Variants in HPSE2 observed in about 807,000 individuals in gnomAD.
HPSE2 encodes the protein inactive heparanase-2.
In HPSE2, 38 loss-of-function variants were observed where a neutral mutation model predicts 60.5. That is an observed-to-expected ratio of 0.63 (90% CI 0.48 to 0.82). The LOEUF is 0.82. Ranked by LOEUF, HPSE2 falls within the 40% of genes least tolerant of loss-of-function variation. The pLI, the probability that HPSE2 is intolerant of heterozygous loss-of-function variation, is 0.00. For synonymous variants in HPSE2, 295 were observed against 293.2 expected (o/e 1.01, Z -0.06); for missense variants, 713 against 740.4 (o/e 0.96, Z 0.43).
chr10:99,262,045 T>C, the HPSE2 span, among the ~76,000 whole-genome samples: 3 of 152,154 alleles, frequency 2.0e-5, no homozygotes, highest in Non-Finnish European at 4.4e-5. Flanking sequence ...CCAGATCTTC[T>C]CGGCTTAGTG....
chr10:98,575,733 GTTA>G (rs1020154189), intron 9 of HPSE2, among the ~76,000 whole-genome samples: 3 of 152,156 alleles, frequency 2.0e-5, no homozygotes, highest in Admixed American at 6.5e-5. Flanking sequence ...CCACTGCAAT[GTTA>G]TTATCATGCC....
intron 3 of HPSE2, among the ~76,000 whole-genome samples, chr10:99,069,289 G>C (rs1451771801): frequency 6.6e-6 from 1 of 152,018 alleles, no homozygotes; most frequent in Non-Finnish European, 1.5e-5. Context: ...AGAAGTCCTT[G>C]AAATATTTAA....
chr10:99,108,091 G>C (rs1365718100), intron 3 of HPSE2, among the ~76,000 whole-genome samples: 1 of 152,182 alleles, frequency 6.6e-6, no homozygotes, highest in African/African-American at 2.4e-5. Context: ...AGCAGATAGT[G>C]ACATTCCATG....
At chr10:98,462,031 C>G (rs570372234) in intron 11 of HPSE2, among the ~76,000 whole-genome samples, 5 of 152,286 alleles carry the variant, frequency 3.3e-5, no homozygotes, top group Non-Finnish European at 7.4e-5. Context: ...GGCAAATCCC[C>G]TAACCTCACT....
intron 9 of HPSE2, among the ~76,000 whole-genome samples, chr10:98,612,552 G>T (rs1455106118): frequency 6.6e-6 from 1 of 152,016 alleles, no homozygotes. Context: ...CCCCACAGTG[G>T]CCTATTGCCA....
intron 6 of HPSE2, among the ~76,000 whole-genome samples, chr10:98,673,400 C>T (rs916744225): frequency 7.2e-5 from 11 of 152,168 alleles, no homozygotes; most frequent in African/African-American, 2.7e-4. Flanking sequence ...CTGTCTCATA[C>T]GCCAGATTGT....
the HPSE2 span, among the ~76,000 whole-genome samples, chr10:99,278,567 G>A: frequency 6.6e-6 from 1 of 152,092 alleles, no homozygotes; most frequent in Non-Finnish European, 1.5e-5. Flanking sequence ...AGCTAAAAAG[G>A]AGGCTGAGAA....
chr10:98,859,937 C>T (rs1952412822), intron 3 of HPSE2, among the ~76,000 whole-genome samples: 2 of 152,102 alleles, frequency 1.3e-5, no homozygotes, highest in Non-Finnish European at 2.9e-5. Flanking sequence ...ATTCATATGC[C>T]TATGATTATA....
intron 3 of HPSE2, among the ~76,000 whole-genome samples, chr10:98,899,135 G>A (rs546358316): frequency 6.6e-6 from 1 of 152,312 alleles, no homozygotes; most frequent in African/African-American, 2.4e-5. Flanking sequence ...TGTGGTCTTC[G>A]TTCCAGCAAT....
intron 3 of HPSE2, among the ~76,000 whole-genome samples, chr10:98,937,764 G>A (rs1277476313): frequency 7.1e-6 from 1 of 141,508 alleles, no homozygotes; most frequent in Non-Finnish European, 1.5e-5. Flanking sequence ...CTGGAGATCT[G>A]AGAACGGGCA....
rs374991158 is a variant in HPSE2, at chr10:98,611,101, CA to C, written c.1320+3802del. On this transcript the variant is annotated intron_variant, in intron 9 of 11. Coordinates refer to ENST00000370552, the MANE Select transcript of HPSE2 (RefSeq NM_021828.5). ...CCATTTTCCCAGTGTTGGGGGGGGC[CA>C]GGGGAAGGGAGTGGGAGTCGAGTGA... Among the ~76,000 whole-genome samples, 205 of 152,218 alleles carry C rather than the reference CA, an allele frequency of 1.3e-3. 1 individual carries two copies. The highest frequency in any genetic ancestry group is 3.1e-3 in the Admixed American group (47 of 15,298).
chr10:98,716,595 T>G (rs1948797187), intron 5 of HPSE2, among the ~76,000 whole-genome samples: 1 of 152,058 alleles, frequency 6.6e-6, no homozygotes, highest in African/African-American at 2.4e-5. Flanking sequence ...AAAGAATCAC[T>G]ATCTATGGCA....
chr10:99,235,101 TAC>T lies in HPSE2; in HGVS notation c.290+410_290+411del, dbSNP rs10630273. Among the ~76,000 whole-genome samples the T allele has an allele frequency of 8.0e-3, 1,176 of 147,550 alleles. 14 individuals are homozygous for T. Among genetic ancestry groups the T allele is most frequent in the South Asian group, 0.03 (139 of 4,642 alleles). On this transcript the variant is annotated intron_variant, in intron 1 of 11. Transcript: ENST00000370552. ...CACACACACACTCTCCTGTCTCACA[TAC>T]ACACACACACACACACACACACACA...
chr10:99,129,142 A>G, intron 3 of HPSE2, among the ~76,000 whole-genome samples: 1 of 152,196 alleles, frequency 6.6e-6, no homozygotes, highest in East Asian at 1.9e-4. Flanking sequence ...GAGCTCCCAA[A>G]TTTATAAAAC....
At chr10:99,061,768 T>C (rs777242505) in intron 3 of HPSE2, among the ~76,000 whole-genome samples, 4 of 152,252 alleles carry the variant, frequency 2.6e-5, no homozygotes, top group Admixed American at 6.5e-5. Context: ...ACTCTCTGTG[T>C]CTCATGTTCC....
At chr10:98,647,210 A>T (rs180916643) in intron 6 of HPSE2, among the ~76,000 whole-genome samples, 1 of 152,036 alleles carries the variant, frequency 6.6e-6, no homozygotes, top group Admixed American at 6.6e-5. Flanking sequence ...CGTCCCACTG[A>T]CCCCCTTCAT....
chr10:98,753,590 G>T (rs891375414), intron 3 of HPSE2, among the ~76,000 whole-genome samples: 5 of 152,190 alleles, frequency 3.3e-5, no homozygotes, highest in South Asian at 2.1e-4. Flanking sequence ...AAGCACTTTT[G>T]CTGGCACCTT....
At chr10:98,475,166 G>A (rs1591232876) in intron 11 of HPSE2, among the ~76,000 whole-genome samples, 1 of 149,090 alleles carries the variant, frequency 6.7e-6, no homozygotes, top group African/African-American at 2.5e-5. Context: ...CGCCCAGGCT[G>A]AAGTGCAGTG....
chr10:98,759,673 C>G (rs990448414), intron 3 of HPSE2, among the ~76,000 whole-genome samples: 5 of 152,060 alleles, frequency 3.3e-5, no homozygotes, highest in Admixed American at 6.6e-5. Context: ...ATGCCAGAAC[C>G]ATTCTCTTTT....
Sources: allele counts gnomAD v4.1 joint callset (sites outside exome capture counted in the v4.1 genomes callset), GRCh38; gene constraint gnomAD v4.1.1; transcripts MANE v1.5; gene names NCBI Gene and HGNC (gene_info 2026-07-23, HGNC 2026-07-21).